The following NR3C2 variants were observed in gnomAD, a reference collection of about 807,000 sequenced individuals.
The protein encoded by NR3C2 is mineralocorticoid receptor.
In NR3C2, 15 loss-of-function variants were observed where a neutral mutation model predicts 86.4. The observed-to-expected ratio is 0.17, with a 90% CI of 0.12 to 0.27. The LOEUF (loss-of-function observed/expected upper bound fraction) is 0.27. Among genes scored for constraint, NR3C2 ranks in the 10% least tolerant of loss-of-function variants. The pLI is 1.00. For synonymous variants in NR3C2, 458 were observed against 450.5 expected (o/e 1.02, Z -0.21); for missense variants, 960 against 1,195.6 (o/e 0.80, Z 2.91).
intron 8 of NR3C2, among the ~76,000 whole-genome samples, chr4:148,109,441 A>G (rs976432047): frequency 1.3e-5 from 2 of 152,196 alleles, no homozygotes; most frequent in Non-Finnish European, 2.9e-5. Flanking sequence ...TTCTGTTTGC[A>G]TTGGCCCACT....
chr4:148,379,867 A>G (rs925400695), intron 2 of NR3C2, among the ~76,000 whole-genome samples: 6 of 147,042 alleles, frequency 4.1e-5, no homozygotes, highest in South Asian at 4.1e-4. Flanking sequence ...TTCAGTTTCA[A>G]TACACTTTAA....
At chr4:148,241,858 T>C (rs1442724467) in intron 3 of NR3C2, among the ~76,000 whole-genome samples, 1 of 152,224 alleles carries the variant, frequency 6.6e-6, no homozygotes, top group African/African-American at 2.4e-5. Flanking sequence ...CATTAACTAC[T>C]ACAGCAAATC....
intron 6 of NR3C2, among the ~76,000 whole-genome samples, chr4:148,137,323 T>G (rs544019665): frequency 1.3e-5 from 2 of 152,276 alleles, no homozygotes; most frequent in Admixed American, 1.3e-4. Flanking sequence ...CTCAGTGTGA[T>G]GTGATCTTAG....
chr4:148,267,275 CTTTT>C (rs1003659715), intron 2 of NR3C2, among the ~76,000 whole-genome samples: 4 of 141,946 alleles, frequency 2.8e-5, no homozygotes, highest in Non-Finnish European at 6.1e-5. Flanking sequence ...ATCTATAATT[CTTTT>C]TTTTTAATTT....
intron 2 of NR3C2, among the ~76,000 whole-genome samples, chr4:148,262,373 C>G (rs1740165700): frequency 6.6e-6 from 1 of 151,986 alleles, no homozygotes; most frequent in African/African-American, 2.4e-5. Flanking sequence ...TGGCAACTTC[C>G]AAATATTTAT....
intron 3 of NR3C2, among the ~76,000 whole-genome samples, chr4:148,205,104 T>C (rs931070609): frequency 1.3e-5 from 2 of 152,186 alleles, no homozygotes; most frequent in African/African-American, 4.8e-5. Flanking sequence ...TGGGTCCTTA[T>C]TTGCCATCTC....
intron 3 of NR3C2, among the ~76,000 whole-genome samples, chr4:148,255,874 C>A (rs555771172): frequency 1.3e-5 from 2 of 152,196 alleles, no homozygotes; most frequent in Non-Finnish European, 2.9e-5. Context: ...AAGGCCTACA[C>A]AAATTCTTCA....
At chr4:148,107,165 A>G (rs1004858721) in intron 8 of NR3C2, among the ~76,000 whole-genome samples, 1 of 152,020 alleles carries the variant, frequency 6.6e-6, no homozygotes, top group African/African-American at 2.4e-5. Flanking sequence ...AATTTACAAG[A>G]AAAAAAACCA....
Position 148,435,189 on chromosome 4 carries a change from C to G in NR3C2, c.1672G>C (p.Glu558Gln). The change falls in exon 2 of 9, where the codon GAG (glutamate) becomes CAG (glutamine). Residue 558 changes from glutamate (E) to glutamine (Q), a missense_variant. Glu to Gln is a conservative substitution (Grantham distance 29). Coordinates refer to ENST00000358102, the MANE Select transcript of NR3C2 (RefSeq NM_000901.5). ...SSFPPVNTLVESWKSHGDLSS... is the reference protein window; with the variant it reads ...SSFPPVNTLVQSWKSHGDLSS... ...AGGTCGCCGTGTGATTTCCATGACTCCACTAAAGTATTGACAGGAGGAAAG... is the reference window on the plus strand; with the variant it reads ...AGGTCGCCGTGTGATTTCCATGACTGCACTAAAGTATTGACAGGAGGAAAG... 1 of 1,614,170 alleles carries G rather than the reference C, an allele frequency of 6.2e-7. No homozygotes were observed. The highest frequency in any genetic ancestry group is 8.5e-7 in the Non-Finnish European group (1 of 1,180,010).
rs1747096916 is a variant in NR3C2 at position 148,383,373 on chromosome 4, AG to A, written c.1757+51730del. ...ATGTGTTTCCTATGCTCCAGTTTGT[AG>A]TACCCTAGAAATCTGGTAGATTTTT... On this transcript the variant is annotated intron_variant, in intron 2 of 8. Coordinates refer to ENST00000358102, the MANE Select transcript of NR3C2 (RefSeq NM_000901.5). Among the ~76,000 whole-genome samples, 3 of 152,328 alleles carry A rather than the reference AG, an allele frequency of 2.0e-5. No homozygotes were observed. The South Asian group carries it at 6.2e-4, about 32-fold the overall frequency.
chr4:148,407,545 C>G (rs1444327827), intron 2 of NR3C2, among the ~76,000 whole-genome samples: 3 of 152,110 alleles, frequency 2.0e-5, no homozygotes, highest in African/African-American at 4.8e-5. Context: ...GTGTTAAAGT[C>G]TGTATAAATT....
chr4:148,183,281 T>C (rs6857716), intron 4 of NR3C2, among the ~76,000 whole-genome samples: 76,644 of 152,068 alleles, frequency 0.5, 20,444 homozygotes, highest in African/African-American at 0.66. Flanking sequence ...GCAATAAACA[T>C]ATGTGTGCAT....
chr4:148,254,117 G>A (rs1272905824), intron 3 of NR3C2, among the ~76,000 whole-genome samples: 3 of 151,962 alleles, frequency 2.0e-5, no homozygotes, highest in African/African-American at 7.3e-5. Flanking sequence ...CCTGGTCTAG[G>A]TCCATCCTAG....
chr4:148,391,953 T>C (rs1747602214), intron 2 of NR3C2, among the ~76,000 whole-genome samples: 1 of 143,756 alleles, frequency 7.0e-6, no homozygotes, highest in South Asian at 2.2e-4. Context: ...AGTAATAACG[T>C]AGTAAAAAAA....
chr4:148,375,924 T>C (rs1271815583), intron 2 of NR3C2, among the ~76,000 whole-genome samples: 1 of 152,120 alleles, frequency 6.6e-6, no homozygotes, highest in Admixed American at 6.5e-5. Flanking sequence ...AGATAATATC[T>C]CTGACATTAA....
chr4:148,179,721 A>G (rs1313779698), intron 4 of NR3C2, among the ~76,000 whole-genome samples: 3 of 151,830 alleles, frequency 2.0e-5, no homozygotes, highest in Admixed American at 2.0e-4. Context: ...TAAAAGAAAA[A>G]AAGTCTTTAA....
intron 2 of NR3C2, among the ~76,000 whole-genome samples, chr4:148,365,986 T>C (rs1318420560): frequency 6.6e-6 from 1 of 152,100 alleles, no homozygotes; most frequent in Non-Finnish European, 1.5e-5. Context: ...TTATCCGTAA[T>C]ATCAAAATCT....
At chr4:148,442,612 C>T (rs1579305062), upstream of NR3C2, 1 of 982,536 alleles carries the variant, frequency 1.0e-6, no homozygotes, top group Non-Finnish European at 1.2e-6. Context: ...AGGCTCCACG[C>T]CGCACGGGTC....
At chr4:148,396,607 T>A (rs754508408) in intron 2 of NR3C2, among the ~76,000 whole-genome samples, 2 of 152,190 alleles carry the variant, frequency 1.3e-5, no homozygotes, top group African/African-American at 4.8e-5. Flanking sequence ...CTTCATACCA[T>A]GACTTGGGAT....
Sources: gnomAD v4.1 joint callset for allele counts (sites outside exome capture counted in the v4.1 genomes callset) on GRCh38, gnomAD v4.1.1 for gene constraint, MANE v1.5 for transcripts, NCBI Gene and HGNC (gene_info 2026-07-23, HGNC 2026-07-21) for gene names.